The following SPG11 variants were observed in gnomAD, a reference collection of about 807,000 sequenced individuals.
SPG11 encodes the protein spatacsin.
SPG11 carries 222 observed loss-of-function variants against 274.0 expected under a neutral mutation model. The ratio of observed to expected loss-of-function variants is 0.81; its 90% CI spans 0.73 to 0.91. The LOEUF (loss-of-function observed/expected upper bound fraction) is 0.91, where lower values mean the gene tolerates loss of function less well. Ranked by LOEUF, SPG11 falls within the 40% of genes least tolerant of loss-of-function variation. The pLI, the probability that SPG11 is intolerant of heterozygous loss-of-function variation, is 0.00. For synonymous variants in SPG11, 1,144 were observed against 1,039.7 expected (o/e 1.10, Z -1.93); for missense variants, 3,114 against 2,872.7 (o/e 1.08, Z -1.92).
chr15:44,564,317 G>A (rs2082265543), intron 39 of SPG11, among the ~76,000 whole-genome samples: 1 of 152,166 alleles, frequency 6.6e-6, no homozygotes, highest in African/African-American at 2.4e-5. Flanking sequence ...TTGGCACTGA[G>A]TAGCTATCCT....
chr15:44,582,051 T>C (rs115791900), intron 30 of SPG11, among the ~76,000 whole-genome samples: 2,979 of 152,308 alleles, frequency 0.02, 109 homozygotes, highest in African/African-American at 0.068. Context: ...TGAATAGTCC[T>C]GTAATTGTTT....
rs779380882 is a variant in SPG11, at chr15:44,651,908, C to T, written c.1039G>A (p.Glu347Lys). The T allele has an allele frequency of 5.6e-6, 9 of 1,611,952 alleles. No individual in the cohort carries two copies. Among genetic ancestry groups the T allele is most frequent in the African/African-American group, 2.7e-5 (2 of 74,704 alleles). ...TCCAGTTTGGAGTTCTTTATTGTTT[C>T]ATTCAATGATGATAGCTGGGCTTTC... is the stretch of plus-strand genomic sequence containing the variant. ...SWKAQLSSLN[E>K]TIKNSKLEVS... Residue 347 changes from glutamate to lysine, a missense_variant, in exon 6 of 40, where the codon GAA (glutamate) becomes AAA (lysine). Glu to Lys is a moderately conservative substitution (Grantham distance 56). Transcript: ENST00000261866.
chr15:44,606,069 C>A lies in SPG11; in HGVS notation c.3476G>T (p.Ser1159Ile). The A allele has an allele frequency of 1.9e-6, 3 of 1,613,570 alleles. No homozygotes were observed. The highest frequency in any genetic ancestry group is 2.5e-6 in the Non-Finnish European group (3 of 1,179,732). ...LIQSLSPFDP[S>I]RLFGWQSANT... ...AGCAGACTGCCAGCCAAACAATCTG[C>A]TAGGATCAAAGGGTGATAATGACTG... Residue 1159 changes from serine to isoleucine, a missense_variant, in exon 20 of 40, where the codon AGC becomes ATC. Ser to Ile is a moderately radical substitution (Grantham distance 142, BLOSUM62 -2). Transcript: ENST00000261866.
chr15:44,628,594 T>G (rs1172701014), intron 10 of SPG11, 75 bp downstream of exon 10: 2 of 1,346,142 alleles, frequency 1.5e-6, no homozygotes, highest in African/African-American at 2.9e-5. Context: ...AGAGTCTGAA[T>G]TCTGTTTCTT....
intron 28 of SPG11, chr15:44,588,776 A>T (rs1157741352): frequency 3.4e-6 from 1 of 295,252 alleles, no homozygotes; most frequent in Non-Finnish European, 6.9e-6. Context: ...GGGGATCGGC[A>T]ATGTTAATTA....
At chr15:44,618,475 C>A (rs2083649644) in intron 15 of SPG11, among the ~76,000 whole-genome samples, 4 of 140,172 alleles carry the variant, frequency 2.9e-5, no homozygotes, top group African/African-American at 1.1e-4. Context: ...AGAGATAGCG[C>A]CACTGCACTC....
intron 27 of SPG11, chr15:44,590,673 G>A (rs375394057): frequency 2.0e-5 from 3 of 152,104 alleles, no homozygotes; most frequent in South Asian, 2.1e-4. Flanking sequence ...CTATAGTCTC[G>A]TAGTTCACTC....
intron 33 of SPG11, 87 bp downstream of exon 33, chr15:44,572,596 G>A (rs908934965): frequency 4.3e-6 from 6 of 1,410,616 alleles, no homozygotes; most frequent in Non-Finnish European, 5.0e-6. Context: ...GCAGGAACAG[G>A]GACCCAAATC....
intron 7 of SPG11, among the ~76,000 whole-genome samples, chr15:44,639,938 T>C (rs1253845903): frequency 6.6e-6 from 1 of 152,110 alleles, no homozygotes; most frequent in Non-Finnish European, 1.5e-5. Context: ...GGGTCGGGCA[T>C]GGTGGCTCAT....
intron 4 of SPG11, among the ~76,000 whole-genome samples, chr15:44,653,115 G>C (rs1476976954): frequency 1.3e-5 from 2 of 152,122 alleles, no homozygotes; most frequent in African/African-American, 4.8e-5. Context: ...AAGTAAGATG[G>C]AATGGGATGA....
At chr15:44,663,166 A>G (rs1192535576) in intron 1 of SPG11, among the ~76,000 whole-genome samples, 1 of 152,234 alleles carries the variant, frequency 6.6e-6, no homozygotes, top group Non-Finnish European at 1.5e-5. Context: ...GCCCACCCGG[A>G]ACAGGAGAGC....
intron 10 of SPG11, 39 bp from the exon 11 acceptor site, chr15:44,626,546 C>A: frequency 6.3e-7 from 1 of 1,594,464 alleles, no homozygotes; most frequent in Middle Eastern, 1.7e-4. Flanking sequence ...AGTTCTTTTT[C>A]ATTTCCTTAT....
intron 30 of SPG11, among the ~76,000 whole-genome samples, chr15:44,576,179 A>G (rs1166401848): frequency 1.3e-5 from 2 of 151,680 alleles, no homozygotes; most frequent in African/African-American, 4.8e-5. Flanking sequence ...CTCTTAGCTT[A>G]AAATAGGAGA....
At chr15:44,573,462 T>C (rs1163031962) in intron 32 of SPG11, 85 bp downstream of exon 32, 1 of 1,415,182 alleles carries the variant, frequency 7.1e-7, no homozygotes, top group South Asian at 1.2e-5. Context: ...ATACAGGATG[T>C]ATATAAGCAC....
chr15:44,659,849 T>A (rs1266689086), intron 2 of SPG11, among the ~76,000 whole-genome samples: 1 of 152,150 alleles, frequency 6.6e-6, no homozygotes, highest in Non-Finnish European at 1.5e-5. Flanking sequence ...TCACTTGAGG[T>A]CAGGAGTTTG....
At chr15:44,630,642 C>T (rs530448229) in intron 8 of SPG11, among the ~76,000 whole-genome samples, 3 of 152,104 alleles carry the variant, frequency 2.0e-5, no homozygotes, top group African/African-American at 4.8e-5. Flanking sequence ...TGGAATGGAG[C>T]GATCTCGGGT....
rs370928375 is a variant in SPG11, at chr15:44,636,925, C to CAAAAAAAAAAAAAAAAAAAAAA, written c.1603-3310_1603-3289dup. On this transcript the variant is annotated intron_variant, in intron 7 of 39. Transcript: ENST00000261866. ...TGGGCAACAGAGCAAGACTCCATCT[C>CAAAAAAAAAAAAAAAAAAAAAA]AAAAAAAAAAAAAAAAAAAAAAAAA... Among the ~76,000 whole-genome samples, 14 of 19,452 alleles carry CAAAAAAAAAAAAAAAAAAAAAA rather than the reference C, an allele frequency of 7.2e-4. 4 individuals are homozygous for CAAAAAAAAAAAAAAAAAAAAAA. The highest frequency in any genetic ancestry group is 1.1e-3 in the Non-Finnish European group (14 of 12,534). The allele number at this position is 19,452 out of a possible 152,430, so 12.8% of individuals were successfully genotyped here.
chr15:44,630,029 C>T (rs748619532), intron 8 of SPG11, among the ~76,000 whole-genome samples: 32 of 151,340 alleles, frequency 2.1e-4, no homozygotes, highest in Non-Finnish European at 4.1e-4. Flanking sequence ...CAAGATTGTG[C>T]CACCGTACTC....
intron 17 of SPG11, 53 bp from the exon 18 acceptor site, chr15:44,611,038 A>G: frequency 6.7e-7 from 1 of 1,481,934 alleles, no homozygotes. Context: ...ATACTAAATT[A>G]AGGATTACAT....
Sources: gnomAD v4.1 joint callset for allele counts (sites outside exome capture counted in the v4.1 genomes callset) on GRCh38, gnomAD v4.1.1 for gene constraint, MANE v1.5 for transcripts, NCBI Gene and HGNC (gene_info 2026-07-23, HGNC 2026-07-21) for gene names.